Variants in TSG101 observed in about 807,000 individuals in gnomAD.
TSG101 encodes the protein tumor susceptibility 101, also known as tumor susceptibility gene 101 protein.
Under a neutral mutation model 48.5 loss-of-function variants are expected in TSG101, and 19 were observed. That is an observed-to-expected ratio of 0.39 (90% CI 0.27 to 0.58). The LOEUF is 0.58. Ranked by LOEUF, TSG101 falls within the 20% of genes least tolerant of loss-of-function variation. TSG101 has a pLI of 0.55. For missense variants in TSG101, 365 were observed against 484.4 expected, an observed-to-expected ratio of 0.75 and a Z score of 2.31; for synonymous variants, 174 against 169.4, an observed-to-expected ratio of 1.03 and a Z score of -0.21.
intron 1 of TSG101, among the ~76,000 whole-genome samples, chr11:18,523,275 G>A (rs1007526033): frequency 3.9e-5 from 6 of 152,044 alleles, no homozygotes; most frequent in Non-Finnish European, 8.8e-5. Context: ...ATAAAACGGT[G>A]ACTCATCCCA....
At position 18,514,783 on chromosome 11, in the gene TSG101, G is replaced by C. The variant is rs542723300; in HGVS notation, c.252C>G (p.Pro84=). The C allele has an allele frequency of 1.3e-6, 2 of 1,596,788 alleles. No homozygotes were observed. The highest frequency in any genetic ancestry group is 4.6e-5 in the East Asian group (2 of 43,732). The change falls in exon 4 of 10, where the codon CCC becomes CCG. Residue 84 remains proline (P), a synonymous_variant. Coordinates refer to ENST00000251968, the MANE Select transcript of TSG101 (RefSeq NM_006292.4). ...LWLLDTYPYN[P]PICFVKPTSS... ...TAGTAGGCTTAACAAAACAGATAGG[G>C]GGATTATATGGGTATGTGTCCAGTA...
chr11:18,510,795 G>A (rs1850066816), intron 4 of TSG101, among the ~76,000 whole-genome samples: 1 of 152,016 alleles, frequency 6.6e-6, no homozygotes. Flanking sequence ...GGTGGCATGC[G>A]CCTGTGGTCA....
chr11:18,514,552 T>G, intron 4 of TSG101, 126 bp downstream of exon 4: 1 of 629,352 alleles, frequency 1.6e-6, no homozygotes, highest in Non-Finnish European at 2.4e-6. Context: ...CTCAACTCAG[T>G]GATTAGTCCA....
At chr11:18,516,659 C>G (rs942265868) in intron 2 of TSG101, among the ~76,000 whole-genome samples, 1 of 149,248 alleles carries the variant, frequency 6.7e-6, no homozygotes. Context: ...AAATCACCAT[C>G]GGCCAGGCGC....
chr11:18,517,563 A>G (rs1406402987), intron 2 of TSG101, among the ~76,000 whole-genome samples: 1 of 152,210 alleles, frequency 6.6e-6, no homozygotes, highest in East Asian at 1.9e-4. Flanking sequence ...GTCCCATAAG[A>G]TTATAATACT....
At chr11:18,514,284 T>TG (rs1850134600) in intron 4 of TSG101, among the ~76,000 whole-genome samples, 1 of 152,224 alleles carries the variant, frequency 6.6e-6, no homozygotes, top group Admixed American at 6.5e-5. Context: ...AACATTAATC[T>TG]GTCACAGTTA....
intron 2 of TSG101, among the ~76,000 whole-genome samples, chr11:18,517,764 AAAT>A (rs1850204203): frequency 6.6e-6 from 1 of 152,228 alleles, no homozygotes; most frequent in African/African-American, 2.4e-5. Flanking sequence ...TGAAATTGCC[AAAT>A]AATGCATTTC....
At chr11:18,514,444 G>A (rs1441663947) in intron 4 of TSG101, among the ~76,000 whole-genome samples, 1 of 152,128 alleles carries the variant, frequency 6.6e-6, no homozygotes, top group Admixed American at 6.6e-5. Context: ...TTTTAAAAAG[G>A]TTCAACTAAA....
chr11:18,522,708 C>T (rs575202797), intron 1 of TSG101, among the ~76,000 whole-genome samples: 1 of 152,298 alleles, frequency 6.6e-6, no homozygotes, highest in Non-Finnish European at 1.5e-5. Context: ...CCTGCAAGGC[C>T]CTCCAAACCT....
At chr11:18,526,746 C>T in intron 1 of TSG101, 29 bp downstream of exon 1, 1 of 1,597,320 alleles carries the variant, frequency 6.3e-7, no homozygotes, top group South Asian at 1.1e-5. Flanking sequence ...GTGGGCGCGC[C>T]CTGGGAGGCG....
chr11:18,514,701 G>A lies in TSG101; in HGVS notation c.334C>T (p.Pro112Ser). The change falls in exon 4 of 10, where the codon CCT (proline) becomes TCT (serine). Residue 112 changes from proline to serine, a missense_variant. Coordinates refer to ENST00000251968, the MANE Select transcript of TSG101 (RefSeq NM_006292.4). The stretch of plus-strand genomic sequence containing the variant: ...ACGTGTTTCCATTCATGTAGATAAG[G>A]AAGATATATCTTCCCATTTGCATCA... ...HVDANGKIYL[P>S]YLHEWKHPQS... The A allele has an allele frequency of 6.3e-7, 1 of 1,582,910 alleles. No individual in the cohort carries two copies. The highest frequency in any genetic ancestry group is 2.3e-5 in the East Asian group (1 of 43,730).
intron 8 of TSG101, 150 bp from the exon 9 acceptor site, chr11:18,482,019 G>A: frequency 8.9e-7 from 1 of 1,129,160 alleles, no homozygotes; most frequent in Non-Finnish European, 1.2e-6. Context: ...CCTGGTCAAA[G>A]GTAGAGGAAA....
Position 18,514,830 on chromosome 11 carries a change from T to C in TSG101, c.205A>G (p.Asn69Asp). 9 of 1,550,924 alleles carry C rather than the reference T, an allele frequency of 5.8e-6. No individual in the cohort carries two copies. The highest frequency in any genetic ancestry group is 7.8e-6 in the Non-Finnish European group (9 of 1,159,698). ...IPVPYRGNTY[N>D]IPICLWLLDT... ...AGTAGCCATAGGCATATTGGAATATTGTATGTATTACCTGAAAAAGAAATA... is the reference window on the plus strand; with the variant it reads ...AGTAGCCATAGGCATATTGGAATATCGTATGTATTACCTGAAAAAGAAATA... The change falls in exon 4 of 10, where the codon AAT (asparagine) becomes GAT (aspartate). Residue 69 changes from asparagine to aspartate, a missense_variant. Transcript: ENST00000251968.
chr11:18,490,877 T>C (rs1849689731), intron 7 of TSG101: 2 of 517,682 alleles, frequency 3.9e-6, no homozygotes, highest in East Asian at 1.0e-4. Context: ...GTGACTGCCT[T>C]CGTGACTACA....
intron 7 of TSG101, among the ~76,000 whole-genome samples, chr11:18,500,349 G>C (rs1479412680): frequency 6.6e-6 from 1 of 152,162 alleles, no homozygotes. Context: ...ACCCAGCAGT[G>C]GGATTGCTGA....
rs750581146 is a variant in TSG101, at chr11:18,526,850, A to C, written c.-34T>G. On this transcript the variant is annotated 5_prime_UTR_variant, in exon 1 of 10. Transcript: ENST00000251968. ...CCTGGCGACTCCCTTCCCCGCAGGC[A>C]GAGGGTCAGCCGCTGCTGGGCTGCC... 1.6e-5 allele frequency: 26 copies of C among 1,593,732 alleles called. No homozygotes were observed. The highest frequency in any genetic ancestry group is 2.1e-5 in the Non-Finnish European group (25 of 1,176,366).
At chr11:18,499,393 TATATA>T (rs1467432752) in intron 7 of TSG101, among the ~76,000 whole-genome samples, 25 of 9,188 alleles carry the variant, frequency 2.7e-3, no homozygotes, top group South Asian at 4.5e-3. Flanking sequence ...TATATATATA[TATATA>T]TATATTTTTT....
chr11:18,510,146 T>C (rs1384536489), intron 4 of TSG101, among the ~76,000 whole-genome samples: 2 of 152,204 alleles, frequency 1.3e-5, no homozygotes, highest in Non-Finnish European at 2.9e-5. Context: ...TCTAGCCAAG[T>C]GAGGTGGTTC....
At chr11:18,523,272 G>A (rs1470021396) in intron 1 of TSG101, among the ~76,000 whole-genome samples, 3 of 152,016 alleles carry the variant, frequency 2.0e-5, no homozygotes, top group African/African-American at 7.3e-5. Context: ...GATATAAAAC[G>A]GTGACTCATC....
Sources: allele counts gnomAD v4.1 joint callset (sites outside exome capture counted in the v4.1 genomes callset), GRCh38; gene constraint gnomAD v4.1.1; transcripts MANE v1.5; gene names NCBI Gene and HGNC (gene_info 2026-07-23, HGNC 2026-07-21).